EXOC6B: variants seen among roughly 807,000 people sequenced by gnomAD.
The protein encoded by EXOC6B is exocyst complex component 6B, also known as SEC15 homolog B.
EXOC6B carries 54 observed loss-of-function variants against 113.5 expected under a neutral mutation model. The observed-to-expected ratio is 0.48, with a 90% CI of 0.38 to 0.60. The LOEUF is 0.60. Ranked by LOEUF, EXOC6B falls within the 20% of genes least tolerant of loss-of-function variation. The probability of loss-of-function intolerance (pLI) is 0.00; values close to 1 mark genes in which losing one functional copy is unlikely to be tolerated. For synonymous variants in EXOC6B, 357 were observed against 339.0 expected, an observed-to-expected ratio of 1.05 and a Z score of -0.58; for missense variants, 797 against 977.5, an observed-to-expected ratio of 0.82 and a Z score of 2.46.
chr2:72,533,734 G>C (rs1573339786), intron 8 of EXOC6B, among the ~76,000 whole-genome samples: 2 of 152,078 alleles, frequency 1.3e-5, no homozygotes, highest in East Asian at 1.9e-4. Flanking sequence ...TGTATAAACA[G>C]CTCTTTCTCC....
intron 20 of EXOC6B, among the ~76,000 whole-genome samples, chr2:72,304,465 T>C (rs1660548831): frequency 6.6e-6 from 1 of 152,218 alleles, no homozygotes; most frequent in South Asian, 2.1e-4. Flanking sequence ...TTTGTTCCTT[T>C]GCCCAACACT....
At chr2:72,224,529 C>T (rs1681078269) in intron 20 of EXOC6B, among the ~76,000 whole-genome samples, 1 of 152,136 alleles carries the variant, frequency 6.6e-6, no homozygotes, top group Admixed American at 6.6e-5. Flanking sequence ...GGTACAAGTA[C>T]TCTTTCATTG....
chr2:72,249,595 A>G lies in EXOC6B; in HGVS notation c.2197-65408T>C, dbSNP rs190056055. Among the ~76,000 whole-genome samples, 5 of 152,334 alleles carry G rather than the reference A, an allele frequency of 3.3e-5. No individual in the cohort carries two copies. The East Asian group carries it at 7.7e-4, about 24-fold the overall frequency. On this transcript the variant is annotated intron_variant, in intron 20 of 21. Transcript: ENST00000272427. ...TTATATGTGAGATGGTAGACAAAAA[A>G]GTATACAGGATTTTTAACTTTGTAA...
chr2:72,783,190 T>TA (rs1684160492), intron 1 of EXOC6B, among the ~76,000 whole-genome samples: 1 of 151,782 alleles, frequency 6.6e-6, no homozygotes, highest in African/African-American at 2.4e-5. Flanking sequence ...GTTGGGGTTT[T>TA]TTTTTTTTGT....
rs3062440 is a variant in EXOC6B, at chr2:72,431,485, TTATCTATC to T, written c.1980+33667_1980+33674del. Among the ~76,000 whole-genome samples the T allele has an allele frequency of 5.2e-3, 702 of 133,882 alleles. 4 individuals carry two copies. Among genetic ancestry groups the T allele is most frequent in the East Asian group, 0.018 (83 of 4,492 alleles). The allele number at this position is 133,882 out of a possible 152,430, so 87.8% of individuals were successfully genotyped here. On this transcript the variant is annotated intron_variant, in intron 18 of 21. Coordinates refer to ENST00000272427, the MANE Select transcript of EXOC6B (RefSeq NM_015189.3). ...TGCCACCATGACTGGCTTGATTTCT[TTATCTATC>T]TATCTATCTATCTATCTATCTATCT... is the stretch of plus-strand genomic sequence containing the variant.
intron 6 of EXOC6B, among the ~76,000 whole-genome samples, chr2:72,631,803 C>T (rs76618653): frequency 0.014 from 2,152 of 152,126 alleles, 54 homozygotes; most frequent in African/African-American, 0.049. Flanking sequence ...CACGCCTGGC[C>T]CACCCCATCC....
intron 18 of EXOC6B, chr2:72,462,461 TA>T (rs371455254): frequency 6.6e-6 from 1 of 152,110 alleles, no homozygotes; most frequent in Admixed American, 6.6e-5. Flanking sequence ...GCAACTTTGT[TA>T]TTTTTTTTAA....
In EXOC6B at chr2:72,452,879, C is replaced by A. The variant is rs941988375; in HGVS notation, c.1980+12281G>T. On this transcript the variant is annotated intron_variant, in intron 18 of 21. Transcript: ENST00000272427. ...AAACTCTGCCTATGTTCTTCCACTG[C>A]TGCTCTTCTTTATAATGATCACACA... Among the ~76,000 whole-genome samples the A allele has an allele frequency of 3.3e-5, 5 of 152,282 alleles. No homozygotes were observed. The South Asian group carries it at 1.0e-3, about 32-fold the overall frequency.
intron 20 of EXOC6B, among the ~76,000 whole-genome samples, chr2:72,228,630 G>C (rs1238640503): frequency 6.6e-6 from 1 of 152,116 alleles, no homozygotes; most frequent in Non-Finnish European, 1.5e-5. Flanking sequence ...ATTCCATGGT[G>C]TATATGTGCC....
chr2:72,501,094 A>G (rs1032056712), intron 11 of EXOC6B, among the ~76,000 whole-genome samples: 2 of 152,190 alleles, frequency 1.3e-5, no homozygotes, highest in African/African-American at 4.8e-5. Context: ...TAATCTTAAT[A>G]TATGAATATC....
chr2:72,279,358 C>G (rs1265961477), intron 20 of EXOC6B, among the ~76,000 whole-genome samples: 1 of 152,146 alleles, frequency 6.6e-6, no homozygotes, highest in Non-Finnish European at 1.5e-5. Context: ...TTATGTGACC[C>G]AGTCCTTAAA....
chr2:72,612,997 C>A (rs1671170750), intron 6 of EXOC6B, among the ~76,000 whole-genome samples: 1 of 151,970 alleles, frequency 6.6e-6, no homozygotes, highest in Non-Finnish European at 1.5e-5. Flanking sequence ...CAAATGTCAG[C>A]TTCAATTTTC....
intron 20 of EXOC6B, among the ~76,000 whole-genome samples, chr2:72,303,463 C>T (rs1261883285): frequency 1.3e-5 from 2 of 151,530 alleles, no homozygotes; most frequent in African/African-American, 4.8e-5. Flanking sequence ...TATTTTTTTC[C>T]TGTCTTATTT....
At chr2:72,316,108 T>C (rs1687496334) in intron 20 of EXOC6B, among the ~76,000 whole-genome samples, 1 of 152,152 alleles carries the variant, frequency 6.6e-6, no homozygotes, top group East Asian at 1.9e-4. Flanking sequence ...TATAGAGACA[T>C]AACAAGGATG....
At chr2:72,299,400 A>C (rs1686356395) in intron 20 of EXOC6B, among the ~76,000 whole-genome samples, 1 of 151,940 alleles carries the variant, frequency 6.6e-6, no homozygotes, top group Non-Finnish European at 1.5e-5. Context: ...TCTAGGTAGC[A>C]TCTATTCTAG....
chr2:72,701,101 T>C (rs1678299428), intron 6 of EXOC6B, among the ~76,000 whole-genome samples: 1 of 152,036 alleles, frequency 6.6e-6, no homozygotes, highest in South Asian at 2.1e-4. Flanking sequence ...CCCAACATTT[T>C]GGGAGGCTGA....
intron 6 of EXOC6B, among the ~76,000 whole-genome samples, chr2:72,608,940 A>T (rs1277783767): frequency 1.3e-5 from 2 of 152,280 alleles, no homozygotes; most frequent in Non-Finnish European, 2.9e-5. Context: ...GAGGAACATT[A>T]TTGTAACCAA....
intron 6 of EXOC6B, among the ~76,000 whole-genome samples, chr2:72,587,915 CA>C (rs1317432558): frequency 1.3e-5 from 2 of 151,310 alleles, no homozygotes; most frequent in Non-Finnish European, 2.9e-5. Context: ...TACAAATGTC[CA>C]ACAAAAATAT....
intron 17 of EXOC6B, among the ~76,000 whole-genome samples, chr2:72,469,277 A>C (rs193277457): frequency 1.3e-5 from 2 of 151,804 alleles, no homozygotes; most frequent in African/African-American, 4.8e-5. Flanking sequence ...GATTTTCTAT[A>C]CTGGTTTTCA....
Sources: allele counts gnomAD v4.1 joint callset (sites outside exome capture counted in the v4.1 genomes callset), GRCh38; gene constraint gnomAD v4.1.1; transcripts MANE v1.5; gene names NCBI Gene and HGNC (gene_info 2026-07-23, HGNC 2026-07-21).